The following IMMP2L variants were observed in gnomAD, a reference collection of about 807,000 sequenced individuals.
IMMP2L encodes mitochondrial inner membrane protease subunit 2.
IMMP2L carries 18 observed loss-of-function variants against 19.3 expected under a neutral mutation model. The observed-to-expected ratio is 0.93, with a 90% CI of 0.64 to 1.38. The LOEUF is 1.38. Ranked by LOEUF, IMMP2L falls within the 40% of genes most tolerant of loss-of-function variation. IMMP2L has a pLI of 0.00. For synonymous variants in IMMP2L, 76 were observed against 73.0 expected (o/e 1.04, Z -0.21); for missense variants, 233 against 218.2 (o/e 1.07, Z -0.43).
chr7:110,976,764 G>A (rs1318622549), intron 3 of IMMP2L, among the ~76,000 whole-genome samples: 1 of 151,902 alleles, frequency 6.6e-6, no homozygotes, highest in Non-Finnish European at 1.5e-5. Flanking sequence ...AGTTGGAAAT[G>A]CTCACATGAA....
At chr7:111,211,366 C>G (rs558946243) in intron 3 of IMMP2L, among the ~76,000 whole-genome samples, 27 of 151,150 alleles carry the variant, frequency 1.8e-4, no homozygotes, top group African/African-American at 6.1e-4. Context: ...GAAAGAGAGA[C>G]GAAAATGAAG....
chr7:111,125,946 C>T (rs550463393), intron 3 of IMMP2L, among the ~76,000 whole-genome samples: 1 of 151,818 alleles, frequency 6.6e-6, no homozygotes, highest in South Asian at 2.1e-4. Context: ...CCTCAACCTC[C>T]AGAGTAGCTG....
At chr7:110,787,334 C>G (rs538327452) in intron 5 of IMMP2L, among the ~76,000 whole-genome samples, 194 of 152,062 alleles carry the variant, frequency 1.3e-3, no homozygotes, top group Non-Finnish European at 2.2e-3. Context: ...TTTCTTGAAG[C>G]TTTTATCTCT....
chr7:111,386,453 C>A (rs960340984), intron 3 of IMMP2L, among the ~76,000 whole-genome samples: 1 of 152,030 alleles, frequency 6.6e-6, no homozygotes, highest in Admixed American at 6.6e-5. Flanking sequence ...AATTTATATA[C>A]ATTGGCCCTA....
At chr7:111,291,692 G>A (rs998329973) in intron 3 of IMMP2L, among the ~76,000 whole-genome samples, 2 of 152,042 alleles carry the variant, frequency 1.3e-5, no homozygotes, top group African/African-American at 4.8e-5. Context: ...ATGCAAAATG[G>A]TGACTATAAT....
At chr7:111,242,138 T>C (rs1021248899) in intron 3 of IMMP2L, among the ~76,000 whole-genome samples, 3 of 152,090 alleles carry the variant, frequency 2.0e-5, no homozygotes, top group African/African-American at 7.2e-5. Context: ...TAGTTTCCCT[T>C]ACCATAAACT....
chr7:111,539,208 A>G lies in IMMP2L; in HGVS notation c.-2-17759T>C, dbSNP rs867427220. Among the ~76,000 whole-genome samples, 14 of 45,700 alleles carry G rather than the reference A, an allele frequency of 3.1e-4. 2 individuals are homozygous for G. The highest frequency in any genetic ancestry group is 2.6e-3 in the South Asian group (3 of 1,162). 30.0% of individuals were successfully genotyped at this position (45,700 alleles called of 152,430 possible). Reference sequence around the variant, plus strand: ...GGAAGGAAGGAGGGAGAAAGAAAGAAAGAAAGAAAGAAAGAAAGAAAGAAA... The same window carrying G: ...GGAAGGAAGGAGGGAGAAAGAAAGAGAGAAAGAAAGAAAGAAAGAAAGAAA... On this transcript the variant is annotated intron_variant, in intron 1 of 5. Coordinates refer to ENST00000405709, the MANE Select transcript of IMMP2L (RefSeq NM_032549.4).
intron 3 of IMMP2L, among the ~76,000 whole-genome samples, chr7:111,277,631 G>A (rs990381533): frequency 4.0e-5 from 6 of 150,794 alleles, no homozygotes; most frequent in African/African-American, 1.5e-4. Flanking sequence ...AAAAGGGAAC[G>A]CTTGTAGGAA....
chr7:111,184,242 AAT>A (rs1808028361), intron 3 of IMMP2L, among the ~76,000 whole-genome samples: 1 of 152,008 alleles, frequency 6.6e-6, no homozygotes, highest in African/African-American at 2.4e-5. Context: ...GGGGGAAAAT[AAT>A]GGAAATGAGT....
At chr7:111,233,506 T>C (rs1173799870) in intron 3 of IMMP2L, among the ~76,000 whole-genome samples, 2 of 152,038 alleles carry the variant, frequency 1.3e-5, no homozygotes, top group African/African-American at 4.8e-5. Flanking sequence ...TGGTATTAAA[T>C]GAATGAAAAA....
chr7:111,241,869 T>C (rs1815097544), intron 3 of IMMP2L, among the ~76,000 whole-genome samples: 1 of 151,858 alleles, frequency 6.6e-6, no homozygotes, highest in South Asian at 2.1e-4. Flanking sequence ...GTTTTTACAG[T>C]CAATGAAAAG....
chr7:111,081,703 G>A (rs1480129542), intron 3 of IMMP2L, among the ~76,000 whole-genome samples: 1 of 152,186 alleles, frequency 6.6e-6, no homozygotes, highest in Non-Finnish European at 1.5e-5. Flanking sequence ...TTGCTGAAAG[G>A]ATTAAAGTAG....
chr7:111,397,610 G>C (rs985543030), intron 3 of IMMP2L, among the ~76,000 whole-genome samples: 1 of 152,074 alleles, frequency 6.6e-6, no homozygotes, highest in African/African-American at 2.4e-5. Context: ...GGATGAAAAA[G>C]TATGTCTCAT....
chr7:111,054,265 T>C (rs1793286131), intron 3 of IMMP2L, among the ~76,000 whole-genome samples: 1 of 152,226 alleles, frequency 6.6e-6, no homozygotes, highest in Non-Finnish European at 1.5e-5. Context: ...ATTCTGTTGT[T>C]TTGACTTTTT....
At chr7:111,312,706 A>G (rs1823648711) in intron 3 of IMMP2L, among the ~76,000 whole-genome samples, 1 of 152,120 alleles carries the variant, frequency 6.6e-6, no homozygotes, top group Admixed American at 6.6e-5. Flanking sequence ...TGATACATTA[A>G]GTAACTGAGC....
intron 1 of IMMP2L, among the ~76,000 whole-genome samples, chr7:111,539,890 C>T (rs1303217555): frequency 6.6e-6 from 1 of 151,988 alleles, no homozygotes; most frequent in Admixed American, 6.6e-5. Flanking sequence ...CAAAAATATC[C>T]AGGTAGAGGG....
At chr7:110,800,100 C>A (rs1479990272) in intron 5 of IMMP2L, among the ~76,000 whole-genome samples, 1 of 152,006 alleles carries the variant, frequency 6.6e-6, no homozygotes, top group Admixed American at 6.6e-5. Context: ...AATTCATGCA[C>A]TTGAAAGAAG....
At chr7:111,189,092 G>T (rs145301413) in intron 3 of IMMP2L, among the ~76,000 whole-genome samples, 1,563 of 152,230 alleles carry the variant, frequency 0.01, 31 homozygotes, top group African/African-American at 0.034. Context: ...GAATGGTCTA[G>T]AGGCACCACA....
intron 3 of IMMP2L, among the ~76,000 whole-genome samples, chr7:111,377,789 G>C (rs556162183): frequency 6.6e-6 from 1 of 151,704 alleles, no homozygotes; most frequent in South Asian, 2.1e-4. Flanking sequence ...CTCTTCACCC[G>C]AAGTAATGCT....
Sources: allele counts gnomAD v4.1 joint callset (sites outside exome capture counted in the v4.1 genomes callset), GRCh38; gene constraint gnomAD v4.1.1; transcripts MANE v1.5; gene names NCBI Gene and HGNC (gene_info 2026-07-23, HGNC 2026-07-21).